Variants in ARAP2 observed in about 807,000 individuals in gnomAD.
ARAP2 encodes the protein ArfGAP with RhoGAP domain, ankyrin repeat and PH domain 2.
In ARAP2, 148 loss-of-function variants were observed where a neutral mutation model predicts 194.5. That is an observed-to-expected ratio of 0.76 (90% CI 0.67 to 0.87). ARAP2 has a LOEUF of 0.87. Among genes scored for constraint, ARAP2 ranks in the 40% least tolerant of loss-of-function variants. The probability of loss-of-function intolerance (pLI) is 0.00; values close to 1 mark genes in which losing one functional copy is unlikely to be tolerated. For synonymous variants in ARAP2, 695 were observed against 683.5 expected, an observed-to-expected ratio of 1.02 and a Z score of -0.26; for missense variants, 2,128 against 1,989.7, an observed-to-expected ratio of 1.07 and a Z score of -1.32.
chr4:36,053,691 T>C lies in ARAP2; in HGVS notation n.322-1638A>G, dbSNP rs992449039. ...AAATATTTAAGCACCTTTAATGTAGTTGAGTAAAAATTGAAGAGTTTTTAA... is the reference window on the plus strand; with the variant it reads ...AAATATTTAAGCACCTTTAATGTAGCTGAGTAAAAATTGAAGAGTTTTTAA... On this transcript the variant is annotated intron_variant and non_coding_transcript_variant, in intron 2 of 12. Transcript: ENST00000503225. 5.9e-5 allele frequency among the ~76,000 whole-genome samples: 9 copies of C among 152,352 alleles called. No homozygotes were observed. The East Asian group carries it at 1.2e-3, about 20-fold the overall frequency.
chr4:36,087,408 A>G (rs1282920463), intron 28 of ARAP2, among the ~76,000 whole-genome samples: 2 of 152,088 alleles, frequency 1.3e-5, no homozygotes, highest in African/African-American at 4.8e-5. Flanking sequence ...ATAATTCCAC[A>G]ACTTGAGGTC....
At chr4:36,203,539 G>A (rs945714519) in intron 6 of ARAP2, among the ~76,000 whole-genome samples, 6 of 151,926 alleles carry the variant, frequency 3.9e-5, no homozygotes, top group Non-Finnish European at 5.9e-5. Context: ...AGCCAAGATC[G>A]TGCCACTGCA....
At chr4:36,227,490 G>A (rs1433994225) in intron 2 of ARAP2, among the ~76,000 whole-genome samples, 2 of 152,068 alleles carry the variant, frequency 1.3e-5, no homozygotes, top group Non-Finnish European at 2.9e-5. Flanking sequence ...CCTTGTAAAC[G>A]GTCATGTTTT....
intron 21 of ARAP2, among the ~76,000 whole-genome samples, chr4:36,127,812 G>C (rs2109580990): frequency 6.6e-6 from 1 of 151,916 alleles, no homozygotes; most frequent in East Asian, 1.9e-4. Flanking sequence ...TAAAAGTGAA[G>C]AAAAGGACTA....
chr4:36,074,961 T>A (rs1356297070), intron 31 of ARAP2, among the ~76,000 whole-genome samples: 5 of 152,152 alleles, frequency 3.3e-5, no homozygotes, highest in Non-Finnish European at 7.4e-5. Context: ...GTGCATCGTA[T>A]CTACCCTTGA....
chr4:36,169,578 T>C (rs61796563), intron 9 of ARAP2, among the ~76,000 whole-genome samples: 15,322 of 150,734 alleles, frequency 0.1, 905 homozygotes, highest in African/African-American at 0.15. Context: ...TCACCCAGGC[T>C]AGAGTGCAAT....
Position 36,147,552 on chromosome 4 carries a change from C to A in ARAP2, c.3195G>T (p.Glu1065Asp), listed in dbSNP as rs757837970. The A allele has an allele frequency of 6.2e-7, 1 of 1,608,650 alleles. No homozygotes were observed. The highest frequency in any genetic ancestry group is 1.3e-5 in the African/African-American group (1 of 74,646). Residue 1065 changes from glutamate (E) to aspartate (D), a missense_variant, in exon 18 of 33, where the codon GAG becomes GAT. Physicochemically the swap from Glu to Asp is conservative, Grantham distance 45. Transcript: ENST00000303965. ...AGGGAAGAAAAAAGCTCTTACTTAG[C>A]TCTTGCAGTCTTCTTAAGTGCATTC... Reference protein sequence around the residue: ...GDRMHLRRLQELTISTMVQNG... With the variant: ...GDRMHLRRLQDLTISTMVQNG...
chr4:36,087,778 T>G (rs1197295239), intron 28 of ARAP2, among the ~76,000 whole-genome samples: 1 of 152,084 alleles, frequency 6.6e-6, no homozygotes, highest in East Asian at 1.9e-4. Flanking sequence ...ACACATAAAA[T>G]TCTTTCAGCA....
At chr4:36,127,267 G>C (rs997164242) in intron 21 of ARAP2, among the ~76,000 whole-genome samples, 1 of 152,060 alleles carries the variant, frequency 6.6e-6, no homozygotes, top group Non-Finnish European at 1.5e-5. Context: ...CAAGGTAACT[G>C]AGCTTAAAGC....
At chr4:36,171,947 C>A (rs575477703) in intron 9 of ARAP2, among the ~76,000 whole-genome samples, 1 of 151,932 alleles carries the variant, frequency 6.6e-6, no homozygotes, top group African/African-American at 2.4e-5. Flanking sequence ...AAGCTTTATT[C>A]TTATTATGAA....
downstream of ARAP2, among the ~76,000 whole-genome samples, chr4:36,062,641 T>A (rs984143233): frequency 1.3e-5 from 2 of 149,676 alleles, no homozygotes; most frequent in East Asian, 1.9e-4. Flanking sequence ...AGAGTGTGTG[T>A]GTGTGTGTGT....
intron 20 of ARAP2, among the ~76,000 whole-genome samples, chr4:36,131,985 A>T (rs1725561777): frequency 6.6e-6 from 1 of 151,790 alleles, no homozygotes; most frequent in African/African-American, 2.4e-5. Flanking sequence ...TAACAAAAAC[A>T]TAATGAATCT....
intron 27 of ARAP2, among the ~76,000 whole-genome samples, chr4:36,102,875 A>C (rs773164510): frequency 6.6e-6 from 1 of 151,928 alleles, no homozygotes; most frequent in Non-Finnish European, 1.5e-5. Flanking sequence ...TATTTTAGAA[A>C]ATGTCAGGAA....
intron 10 of ARAP2, among the ~76,000 whole-genome samples, chr4:36,165,948 A>G (rs1490971977): frequency 6.6e-6 from 1 of 152,168 alleles, no homozygotes; most frequent in African/African-American, 2.4e-5. Context: ...AATGGCCTAC[A>G]TGAATTATAC....
Position 36,133,302 on chromosome 4 carries a change from A to G in ARAP2, c.3351T>C (p.Ala1117=). 6.2e-7 allele frequency: 1 copy of G among 1,611,462 alleles called. No individual in the cohort carries two copies. The highest frequency in any genetic ancestry group is 8.5e-7 in the Non-Finnish European group (1 of 1,178,372). ...IEKAAGTDGN[A]LQDQQLSKND... is the part of the protein sequence containing the mutation. Reference sequence around the variant, plus strand: ...TTTTGCTGAGCTGCTGATCTTGTAAAGCATTACCATCTGTACCTGCTGCTT... The same window carrying G: ...TTTTGCTGAGCTGCTGATCTTGTAAGGCATTACCATCTGTACCTGCTGCTT... Residue 1117 remains alanine (A), a synonymous_variant, in exon 20 of 33, where the codon GCT becomes GCC. Transcript: ENST00000303965.
chr4:36,038,134 C>A (rs1396770169), intron 5 of ARAP2, among the ~76,000 whole-genome samples: 1 of 152,190 alleles, frequency 6.6e-6, no homozygotes, highest in Non-Finnish European at 1.5e-5. Context: ...TAGACAACCA[C>A]TAATACCTTA....
intron 27 of ARAP2, among the ~76,000 whole-genome samples, chr4:36,104,202 C>CT (rs11403716): frequency 0.3 from 45,804 of 151,512 alleles, 8,332 homozygotes; most frequent in East Asian, 0.47. Flanking sequence ...GCTCCCCCAC[C>CT]TTTTTTTCAA....
At chr4:36,187,626 T>C (rs1199086401) in intron 7 of ARAP2, 55 bp from the exon 8 acceptor site, 2 of 1,440,750 alleles carry the variant, frequency 1.4e-6, no homozygotes, top group East Asian at 2.6e-5. Flanking sequence ...CTCTTGATCT[T>C]ATCAAAAAAG....
At chr4:36,158,659 C>T in intron 15 of ARAP2, 71 bp downstream of exon 15, 1 of 1,338,388 alleles carries the variant, frequency 7.5e-7, no homozygotes, top group Non-Finnish European at 1.0e-6. Context: ...AAATCAAAAT[C>T]TAAACCTAAT....
Sources: gnomAD v4.1 joint callset for allele counts (sites outside exome capture counted in the v4.1 genomes callset) on GRCh38, gnomAD v4.1.1 for gene constraint, MANE v1.5 for transcripts, NCBI Gene and HGNC (gene_info 2026-07-23, HGNC 2026-07-21) for gene names.